Variants in NAV1 observed in about 807,000 individuals in gnomAD.
NAV1 encodes the protein pore membrane and/or filament interacting like protein 3.
NAV1 carries 18 observed loss-of-function variants against 175.2 expected under a neutral mutation model. The observed-to-expected ratio is 0.10, with a 90% confidence interval of 0.07 to 0.15. The LOEUF (loss-of-function observed/expected upper bound fraction) is 0.15, where lower values mean the gene tolerates loss of function less well. Among genes scored for constraint, NAV1 ranks in the 10% least tolerant of loss-of-function variants. The pLI is 1.00. For synonymous variants in NAV1, 897 were observed against 978.7 expected (o/e 0.92, Z 1.56); for missense variants, 1,731 against 2,436.6 (o/e 0.71, Z 6.10).
intron 3 of NAV1, among the ~76,000 whole-genome samples, chr1:201,756,790 A>G (rs899394697): frequency 1.3e-5 from 2 of 148,590 alleles, no homozygotes; most frequent in African/African-American, 4.9e-5. Context: ...ACTAATGAGC[A>G]ATTCTCTTTC....
intron 1 of NAV1, chr1:201,673,914 A>C (rs1670146346): frequency 3.9e-5 from 6 of 152,302 alleles, no homozygotes; most frequent in Admixed American, 3.9e-4. Flanking sequence ...GGCAGCAGTC[A>C]TGGAGAAGGT....
intron 3 of NAV1, among the ~76,000 whole-genome samples, chr1:201,771,368 G>A (rs970180761): frequency 4.0e-5 from 6 of 151,628 alleles, no homozygotes; most frequent in East Asian, 1.9e-4. Flanking sequence ...AAAATTGGCC[G>A]GGCATGGTGG....
intron 3 of NAV1, among the ~76,000 whole-genome samples, chr1:201,734,382 C>T (rs970709604): frequency 6.7e-6 from 1 of 149,986 alleles, no homozygotes; most frequent in Non-Finnish European, 1.5e-5. Context: ...GCACTCCAGC[C>T]TGGGTGACAG....
exon 7 of NAV1, chr1:201,783,454 C>A (rs780123003): frequency 6.2e-7 from 1 of 1,614,166 alleles, no homozygotes; most frequent in Admixed American, 1.7e-5. Context: ...CCAATCTTGA[C>A]AAGGTCAACT....
rs759027874 is a variant in NAV1 at position 201,808,535 on chromosome 1, T to G, written c.3963T>G (p.Leu1321=). The G allele has an allele frequency of 1.7e-5, 27 of 1,614,100 alleles. No individual in the cohort carries two copies. Among genetic ancestry groups the G allele is most frequent in the Middle Eastern group, 3.3e-4 (2 of 6,084 alleles). ...AGCTATGGGAGAAGGAAATGAAGCT[T>G]ACAGACATCCGCTTGGAGGCCCTCA... The change falls in exon 19 of 30, where the codon CTT becomes CTG. Residue 1321 remains leucine, a synonymous_variant. Transcript: ENST00000367296. This position sits in a 1 kb window ranked among gnomAD's most constrained non-coding sequence, Gnocchi z 5.5.
At chr1:201,567,694 C>T (rs16848971) in intron 1 of NAV1, among the ~76,000 whole-genome samples, 4,508 of 152,138 alleles carry the variant, frequency 0.03, 230 homozygotes, top group African/African-American at 0.1. Flanking sequence ...GTCTACCTGC[C>T]GCTGCTTTGT....
rs944399036 is a variant in NAV1 at position 201,808,961 on chromosome 1, G to A, written c.4207+90G>A. The A allele has an allele frequency of 2.3e-5, 35 of 1,492,872 alleles. No homozygotes were observed. The highest frequency in any genetic ancestry group is 2.9e-5 in the Non-Finnish European group (32 of 1,099,222). The allele number at this position is 1,492,872 out of a possible 1,614,324, so 92.5% of individuals were successfully genotyped here. A position where few individuals can be genotyped will look rare whatever the true frequency, so the allele number is the denominator to read the frequency against. ...CCATTCCACTTGCTTTGGTCAGGGC[G>A]GTAACAATGCCGAAGCCAAGCAGAT... On this transcript the variant is annotated intron_variant, in intron 20 of 29. Transcript: ENST00000367296. This position sits in a 1 kb window ranked among gnomAD's most constrained non-coding sequence, Gnocchi z 5.5.
chr1:201,598,990 T>C (rs1218200115), intron 2 of NAV1, among the ~76,000 whole-genome samples: 1 of 152,186 alleles, frequency 6.6e-6, no homozygotes, highest in African/African-American at 2.4e-5. Context: ...CTGCCTGTCA[T>C]TCAGAAAACA....
At position 201,788,255 on chromosome 1, in the gene NAV1, A is replaced by G. The variant is rs1676891391; in HGVS notation, c.2996-213A>G. On this transcript the variant is annotated intron_variant, in intron 9 of 29. Coordinates refer to ENST00000367296, the Ensembl canonical transcript of NAV1. This position sits in a 1 kb window ranked among gnomAD's most constrained non-coding sequence, Gnocchi z 5.7. The stretch of plus-strand genomic sequence containing the variant: ...CCAGACAGCAGGGTCCTTCTCCATT[A>G]GGGCTTGATCTCCCCAGGAGGGACC... Among the ~76,000 whole-genome samples the G allele has an allele frequency of 6.6e-6, 1 of 152,118 alleles. No individual in the cohort carries two copies. Among genetic ancestry groups the G allele is most frequent in the Non-Finnish European group, 1.5e-5 (1 of 68,008 alleles).
chr1:201,574,609 G>A (rs942539736), intron 1 of NAV1, among the ~76,000 whole-genome samples: 1 of 152,194 alleles, frequency 6.6e-6, no homozygotes, highest in Admixed American at 6.5e-5. Flanking sequence ...GAAGGCTGCA[G>A]AACCAGGCTT....
chr1:201,571,531 C>T (rs1189673713), intron 1 of NAV1, among the ~76,000 whole-genome samples: 2 of 152,186 alleles, frequency 1.3e-5, no homozygotes. Flanking sequence ...ACCAGTCCCC[C>T]ACCATGATGA....
At chr1:201,816,773 T>C (rs2102833615) in intron 28 of NAV1, 1 of 210,072 alleles carries the variant, frequency 4.8e-6, no homozygotes, top group South Asian at 6.9e-5. Flanking sequence ...GTGATTCTCC[T>C]GCCTCAGCCT....
chr1:201,712,918 A>G (rs532743876), exon 2 of NAV1: 78 of 1,611,084 alleles, frequency 4.8e-5, no homozygotes, highest in Non-Finnish European at 3.4e-6. Flanking sequence ...GGTGACTCAC[A>G]GGTAAGCTCG....
intron 15 of NAV1, chr1:201,797,678 G>T (rs1677545369): frequency 6.6e-6 from 1 of 152,142 alleles, no homozygotes; most frequent in Non-Finnish European, 1.5e-5. Context: ...TTCTTTCAGT[G>T]ATATTTTGCA....
At chr1:201,546,770 G>C (rs781666542) in intron 1 of NAV1, among the ~76,000 whole-genome samples, 1 of 151,654 alleles carries the variant, frequency 6.6e-6, no homozygotes, top group Non-Finnish European at 1.5e-5. Context: ...TGGGCATGGT[G>C]GTGGGTGCCT....
chr1:201,576,386 T>C (rs1292108629), intron 1 of NAV1, among the ~76,000 whole-genome samples: 1 of 152,212 alleles, frequency 6.6e-6, no homozygotes, highest in Non-Finnish European at 1.5e-5. Context: ...GGATGTACCA[T>C]AGTTTGTTTA....
At chr1:201,743,741 T>C (rs1390056540) in intron 3 of NAV1, among the ~76,000 whole-genome samples, 1 of 152,188 alleles carries the variant, frequency 6.6e-6, no homozygotes, top group Non-Finnish European at 1.5e-5. Context: ...GCTTAGAATA[T>C]ATCTCTGATT....
rs200975618 is a variant in NAV1 at position 201,600,674 on chromosome 1, CA to C, written c.-33+12035del. ...CTCAAAAAAATAGGTGAGGGAGTGA[CA>C]AAAAAAAAATGGACCAAGATGAGTC... On this transcript the variant is annotated intron_variant, in intron 2 of 33. Coordinates refer to the NAV1 transcript ENST00000685211. Among the ~76,000 whole-genome samples, 340 of 145,808 alleles carry C rather than the reference CA, an allele frequency of 2.3e-3. 8 individuals carry two copies. The East Asian group carries it at 0.035, about 15-fold the overall frequency.
intron 1 of NAV1, among the ~76,000 whole-genome samples, chr1:201,680,332 C>G (rs1267123): frequency 0.16 from 24,279 of 151,952 alleles, 2,083 homozygotes; most frequent in African/African-American, 0.22. Context: ...CATGGAGAAA[C>G]CCCATCTCTA....
Sources: gnomAD v4.1 joint callset for allele counts (sites outside exome capture counted in the v4.1 genomes callset) on GRCh38, gnomAD v4.1.1 for gene constraint, Gnocchi (gnomAD v3.1) non-coding constraint, MANE v1.5 for transcripts, NCBI Gene and HGNC (gene_info 2026-07-23, HGNC 2026-07-21) for gene names.